The following USP29 variants were observed in gnomAD, a reference collection of about 807,000 sequenced individuals.
The protein encoded by USP29 is ubiquitin carboxyl-terminal hydrolase 29.
For synonymous variants in USP29, 386 were observed against 387.4 expected (o/e 1.00, Z 0.04); for missense variants, 1,102 against 1,069.0 (o/e 1.03, Z -0.43).
chr19:57,124,601 A>T (rs1444111137), intron 3 of USP29, among the ~76,000 whole-genome samples: 1 of 151,126 alleles, frequency 6.6e-6, no homozygotes, highest in Non-Finnish European at 1.5e-5. Flanking sequence ...CTCCACCTCC[A>T]GGGTTCAAGC....
chr19:57,131,581 G>A lies in USP29; in HGVS notation c.*137G>A, dbSNP rs2146956659. 1.4e-6 allele frequency: 2 copies of A among 1,385,954 alleles called. No homozygotes were observed. The highest frequency in any genetic ancestry group is 1.9e-6 in the Non-Finnish European group (2 of 1,033,314). The allele number at this position is 1,385,954 out of a possible 1,614,324, so 85.9% of individuals were successfully genotyped here. ...TCTCAATGAAAAACACTTATTTTGG[G>A]GGAATATCTATTTTAACTGCTTCAG... On this transcript the variant is annotated 3_prime_UTR_variant, in exon 4 of 4. Transcript: ENST00000254181.
At chr19:57,125,288 C>T (rs1050181915) in intron 3 of USP29, among the ~76,000 whole-genome samples, 6 of 152,008 alleles carry the variant, frequency 3.9e-5, no homozygotes, top group Admixed American at 2.0e-4. Context: ...TGTTTTACTT[C>T]GAATTATGTG....
intron 2 of USP29, among the ~76,000 whole-genome samples, chr19:57,123,046 T>C (rs1307648812): frequency 6.6e-6 from 1 of 152,176 alleles, no homozygotes; most frequent in African/African-American, 2.4e-5. Context: ...GGGTTTGGCA[T>C]AGTATAGCTC....
intron 3 of USP29, among the ~76,000 whole-genome samples, chr19:57,125,997 G>A (rs1256100073): frequency 6.6e-6 from 1 of 152,108 alleles, no homozygotes; most frequent in Non-Finnish European, 1.5e-5. Flanking sequence ...GTCTGTAAAG[G>A]ATTGTATTTT....
Position 57,129,962 on chromosome 19 carries a change from G to A in USP29, c.1287G>A (p.Glu429=). ...VFVCPVVANF[E]FELQLSLICK... is the part of the protein sequence containing the mutation. The stretch of plus-strand genomic sequence containing the variant: ...TTTGCCCTGTTGTTGCTAATTTTGA[G>A]TTTGAATTGCAGCTCTCCCTTATTT... Residue 429 remains glutamate (E), a synonymous_variant, in exon 4 of 4, where the codon GAG becomes GAA. Coordinates refer to ENST00000254181, the MANE Select transcript of USP29 (RefSeq NM_020903.3). The A allele has an allele frequency of 5.6e-6, 9 of 1,614,164 alleles. No homozygotes were observed. Among genetic ancestry groups the A allele is most frequent in the Non-Finnish European group, 6.8e-6 (8 of 1,180,028 alleles).
chr19:57,124,754 C>T (rs972206727), intron 3 of USP29, among the ~76,000 whole-genome samples: 1 of 152,122 alleles, frequency 6.6e-6, no homozygotes, highest in South Asian at 2.1e-4. Context: ...GGTGATCCAC[C>T]TGCCTCAGCC....
At chr19:57,119,353 CTAAGACTTT>C (rs1370391298), upstream of USP29, 1 of 152,220 alleles carries the variant, frequency 6.6e-6, no homozygotes, top group Non-Finnish European at 1.5e-5. Context: ...GCTTGAAGGC[CTAAGACTTT>C]TAAGTCTCTT....
chr19:57,123,642 A>C (rs2086808988), intron 2 of USP29, among the ~76,000 whole-genome samples: 1 of 152,188 alleles, frequency 6.6e-6, no homozygotes, highest in Non-Finnish European at 1.5e-5. Flanking sequence ...TAACAAGAAA[A>C]AAATAAAGAT....
rs1035474682 is a variant in USP29, at chr19:57,130,476, G to T, written c.1801G>T (p.Ala601Ser). Residue 601 changes from alanine to serine, a missense_variant, in exon 4 of 4, where the codon GCC becomes TCC. Transcript: ENST00000254181. ...TCTACCCGTTGAACCAGACAAGAAT[G>T]CCGACCTACAAAGATTCCAGAGAGA... is the stretch of plus-strand genomic sequence containing the variant. The part of the protein sequence containing the change: ...LVLPVEPDKN[A>S]DLQRFQRDCG... 4 of 1,614,148 alleles carry T rather than the reference G, an allele frequency of 2.5e-6. No individual in the cohort carries two copies. Among genetic ancestry groups the T allele is most frequent in the Non-Finnish European group, 3.4e-6 (4 of 1,180,034 alleles).
chr19:57,126,568 A>G (rs2086825391), intron 3 of USP29, among the ~76,000 whole-genome samples: 1 of 151,806 alleles, frequency 6.6e-6, no homozygotes, highest in African/African-American at 2.4e-5. Flanking sequence ...ATACTTGTGT[A>G]TGCTTCACGA....
In USP29 at chr19:57,130,308, A is replaced by C; in HGVS notation, c.1633A>C (p.Thr545Pro). The C allele has an allele frequency of 6.2e-7, 1 of 1,614,156 alleles. No homozygotes were observed. Among genetic ancestry groups the C allele is most frequent in the Non-Finnish European group, 8.5e-7 (1 of 1,180,034 alleles). ...TTTATCTTCTTATTGCAATGAAAGC[A>C]CCAAACCACCTCTTCCCTTGAGCAG... The part of the protein sequence containing the change: ...LSLSSYCNES[T>P]KPPLPLSSSA... The change falls in exon 4 of 4, where the codon ACC (threonine) becomes CCC (proline). Residue 545 changes from threonine to proline, a missense_variant. By Grantham distance (38) the Thr-to-Pro change is conservative. Transcript: ENST00000254181.
chr19:57,130,553 T>C lies in USP29; in HGVS notation c.1878T>C (p.Ser626=). ...EQHQRDLENG[S]ALESELVHFR... is the part of the protein sequence containing the mutation. ...ATCAGAGAGACCTGGAAAATGGCTC[T>C]GCACTAGAGTCAGAATTGGTCCACT... The change falls in exon 4 of 4, where the codon TCT becomes TCC. Residue 626 remains serine, a synonymous_variant. Transcript: ENST00000254181. 5 of 1,614,180 alleles carry C rather than the reference T, an allele frequency of 3.1e-6. No homozygotes were observed. Among genetic ancestry groups the C allele is most frequent in the Non-Finnish European group, 2.5e-6 (3 of 1,180,026 alleles).
In USP29 at chr19:57,121,711, CAT is replaced by C. The variant is rs1433697446; in HGVS notation, c.-267-609_-267-608del. Among the ~76,000 whole-genome samples the C allele has an allele frequency of 2.1e-5, 3 of 145,986 alleles. No homozygotes were observed. The East Asian group carries it at 5.9e-4, about 29-fold the overall frequency. ...TGTACTTACATATGTTATATATATACATATATGTTATATATATATAATTATAT... is the reference window on the plus strand; with the variant it reads ...TGTACTTACATATGTTATATATATACATATGTTATATATATATAATTATAT... On this transcript the variant is annotated intron_variant, in intron 1 of 3. Transcript: ENST00000254181.
In USP29 at chr19:57,130,233, T is replaced by G; in HGVS notation, c.1558T>G (p.Trp520Gly). The G allele has an allele frequency of 6.2e-7, 1 of 1,614,154 alleles. No homozygotes were observed. Among genetic ancestry groups the G allele is most frequent in the South Asian group, 1.1e-5 (1 of 91,076 alleles). ...GAAACGCTATAGCTTCAACAATGCT[T>G]GGTTGCTGGTGAAGAATAACGAGCA... ...HLKRYSFNNA[W>G]LLVKNNEQVY... Residue 520 changes from tryptophan (W) to glycine (G), a missense_variant, in exon 4 of 4, where the codon TGG (tryptophan) becomes GGG (glycine). Physicochemically the swap from Trp to Gly is radical, Grantham distance 184. Coordinates refer to ENST00000254181, the MANE Select transcript of USP29 (RefSeq NM_020903.3).
chr19:57,126,071 C>T (rs4293489), intron 3 of USP29, among the ~76,000 whole-genome samples: 81,314 of 151,898 alleles, frequency 0.54, 22,374 homozygotes, highest in South Asian at 0.63. Flanking sequence ...TCCTTAAGAA[C>T]GTTGAATATT....
chr19:57,131,219 T>C lies in USP29; in HGVS notation c.2544T>C (p.Phe848=). Residue 848 remains phenylalanine (F), a synonymous_variant, in exon 4 of 4, where the codon TTT becomes TTC. Coordinates refer to ENST00000254181, the MANE Select transcript of USP29 (RefSeq NM_020903.3). ...ATTACATCAGCGATGTGTATGACTT[T>C]CAGAAGCAGGCCTGGTTCACATACA... The part of the protein sequence containing the change: ...SGHYISDVYD[F]QKQAWFTYND... 1.9e-6 allele frequency: 3 copies of C among 1,614,188 alleles called. No individual in the cohort carries two copies. The highest frequency in any genetic ancestry group is 2.5e-6 in the Non-Finnish European group (3 of 1,180,048).
Position 57,125,466 on chromosome 19 carries a change from TATTTAAG to T in USP29, c.-17+1330_-17+1336del, listed in dbSNP as rs2086819005. ...GATGCTCCTGTATTGGGTGCATATA[TATTTAAG>T]ATAGTTAGCTATTCTTGTTGCATTG... On this transcript the variant is annotated intron_variant, in intron 3 of 3. Transcript: ENST00000254181. 5.3e-5 allele frequency among the ~76,000 whole-genome samples: 8 copies of T among 152,212 alleles called. No homozygotes were observed. In the South Asian group the frequency reaches 1.2e-3, roughly 24 times the overall value.
rs759774012 is a variant in USP29 at position 57,129,246 on chromosome 19, C to T, written c.571C>T (p.Pro191Ser). ...EDILKEDNPV[P>S]NKKYKTDSLK... ...CATTCTGAAGGAAGATAACCCTGTA[C>T]CAAACAAGAAATATAAGACAGATTC... Residue 191 changes from proline to serine, a missense_variant, in exon 4 of 4, where the codon CCA (proline) becomes TCA (serine). Pro to Ser is a moderately conservative substitution (Grantham distance 74). Transcript: ENST00000254181. The T allele has an allele frequency of 1.9e-6, 3 of 1,612,730 alleles. No homozygotes were observed. Among genetic ancestry groups the T allele is most frequent in the South Asian group, 1.1e-5 (1 of 90,758 alleles).
At position 57,122,431 on chromosome 19, in the gene USP29, A is replaced by G. The variant is rs181581667; in HGVS notation, c.-161A>G. 1.1e-4 allele frequency: 16 copies of G among 152,100 alleles called. No homozygotes were observed. Among genetic ancestry groups the G allele is most frequent in the Admixed American group, 4.6e-4 (7 of 15,244 alleles). 9.4% of individuals were successfully genotyped at this position (152,100 alleles called of 1,614,324 possible). ...GCAACATAGCAAGATCTCATTTCTG[A>G]AAAAAGAATTATCATCCACTCACCC... is the stretch of plus-strand genomic sequence containing the variant. On this transcript the variant is annotated 5_prime_UTR_variant, in exon 2 of 4. Transcript: ENST00000254181.
Sources: allele counts gnomAD v4.1 joint callset (sites outside exome capture counted in the v4.1 genomes callset), GRCh38; gene constraint gnomAD v4.1.1; transcripts MANE v1.5; gene names NCBI Gene and HGNC (gene_info 2026-07-23, HGNC 2026-07-21).